The following CDH12 variants were observed in gnomAD, a reference collection of about 807,000 sequenced individuals.
CDH12 encodes the protein cadherin 12, also known as cadherin-12.
CDH12 carries 41 observed loss-of-function variants against 74.1 expected under a neutral mutation model. The observed-to-expected ratio is 0.55, with a 90% CI of 0.43 to 0.72. The LOEUF (loss-of-function observed/expected upper bound fraction) is 0.72, where lower values mean the gene tolerates loss of function less well. CDH12 is among the 30% of genes least tolerant of loss of function. The probability of loss-of-function intolerance (pLI) is 0.00; values close to 1 mark genes in which losing one functional copy is unlikely to be tolerated. For synonymous variants in CDH12, 399 were observed against 355.0 expected (o/e 1.12, Z -1.39); for missense variants, 945 against 977.2 (o/e 0.97, Z 0.44).
At chr5:22,852,013 T>G (rs2126543767) in intron 1 of CDH12, among the ~76,000 whole-genome samples, 1 of 152,270 alleles carries the variant, frequency 6.6e-6, no homozygotes. Context: ...TTTTTCCTGT[T>G]TTGGTCATGT....
chr5:22,433,989 G>A (rs574432538), intron 2 of CDH12, among the ~76,000 whole-genome samples: 1 of 152,230 alleles, frequency 6.6e-6, no homozygotes, highest in Admixed American at 6.6e-5. Context: ...TAAGTTTTCT[G>A]AGTCGTTCTG....
At chr5:22,444,154 C>T (rs1189146509) in intron 2 of CDH12, among the ~76,000 whole-genome samples, 1 of 151,854 alleles carries the variant, frequency 6.6e-6, no homozygotes, top group Non-Finnish European at 1.5e-5. Context: ...TAAATAAATC[C>T]ATTTCATCTT....
At chr5:21,873,426 T>C (rs1751753252) in intron 6 of CDH12, among the ~76,000 whole-genome samples, 1 of 152,130 alleles carries the variant, frequency 6.6e-6, no homozygotes, top group African/African-American at 2.4e-5. Context: ...CGGACACTGA[T>C]GTGCAGATGC....
At position 22,304,425 on chromosome 5, in the gene CDH12, C is replaced by A. The variant is rs1474747932; in HGVS notation, c.-332-91782G>T. Among the ~76,000 whole-genome samples, 6 of 152,288 alleles carry A rather than the reference C, an allele frequency of 3.9e-5. No homozygotes were observed. In the East Asian group the frequency reaches 9.7e-4, roughly 25 times the overall value. On this transcript the variant is annotated intron_variant, in intron 3 of 14. Transcript: ENST00000382254. ...TGCCTTTCTTGCTATGCACTCTCAACTCCAACTTCAAAGTCATACATGTAT... is the reference window on the plus strand; with the variant it reads ...TGCCTTTCTTGCTATGCACTCTCAAATCCAACTTCAAAGTCATACATGTAT...
At chr5:22,262,475 A>G (rs1453690067) in intron 3 of CDH12, among the ~76,000 whole-genome samples, 3 of 151,692 alleles carry the variant, frequency 2.0e-5, no homozygotes, top group Non-Finnish European at 2.9e-5. Context: ...ATAGTATTCC[A>G]TGGTGTATAT....
At chr5:22,331,016 G>C (rs1018499508) in intron 3 of CDH12, among the ~76,000 whole-genome samples, 1 of 152,086 alleles carries the variant, frequency 6.6e-6, no homozygotes, top group East Asian at 1.9e-4. Context: ...TAGCCTAGCA[G>C]AACTCCCCAT....
At chr5:22,490,840 G>A (rs1048296377) in intron 2 of CDH12, among the ~76,000 whole-genome samples, 5 of 152,200 alleles carry the variant, frequency 3.3e-5, no homozygotes, top group African/African-American at 9.7e-5. Flanking sequence ...GGTTTTGAGA[G>A]ATGCAGTCAA....
At position 21,830,199 on chromosome 5, in the gene CDH12, C is replaced by CAAA. The variant is rs1055199877; in HGVS notation, c.814+11959_814+11961dup. On this transcript the variant is annotated intron_variant, in intron 8 of 14. Transcript: ENST00000382254. The stretch of plus-strand genomic sequence containing the variant: ...GGGTGACAACAGTGAAACTCCTTCT[C>CAAA]AAAAAAAAAAAAAAAAAAAAAAAAA... 1.0e-2 allele frequency among the ~76,000 whole-genome samples: 251 copies of CAAA among 25,188 alleles called. 8 individuals carry two copies. The highest frequency in any genetic ancestry group is 0.038 in the Middle Eastern group (1 of 26). The allele number at this position is 25,188 out of a possible 152,430, so 16.5% of individuals were successfully genotyped here. A position where few individuals can be genotyped will look rare whatever the true frequency, so the allele number is the denominator to read the frequency against.
At chr5:22,178,932 GAC>G (rs577282185) in intron 4 of CDH12, among the ~76,000 whole-genome samples, 1 of 152,254 alleles carries the variant, frequency 6.6e-6, no homozygotes, top group Non-Finnish European at 1.5e-5. Context: ...ACTCTGAAAA[GAC>G]AGACTTGCAC....
chr5:22,729,574 C>T (rs1174682400), intron 1 of CDH12, among the ~76,000 whole-genome samples: 1 of 151,848 alleles, frequency 6.6e-6, no homozygotes, highest in Non-Finnish European at 1.5e-5. Context: ...GACTGTACTT[C>T]TACCACATTC....
At chr5:21,754,682 G>T (rs1364487139) in intron 14 of CDH12, among the ~76,000 whole-genome samples, 1 of 151,808 alleles carries the variant, frequency 6.6e-6, no homozygotes, top group African/African-American at 2.4e-5. Context: ...TTCTTTCCTA[G>T]AGATAAAGTC....
At chr5:21,770,801 G>C (rs931323354) in intron 11 of CDH12, among the ~76,000 whole-genome samples, 2 of 152,040 alleles carry the variant, frequency 1.3e-5, no homozygotes, top group Non-Finnish European at 2.9e-5. Flanking sequence ...CAAAGACACA[G>C]AATAAACCCA....
chr5:22,441,866 G>C (rs558815285), intron 2 of CDH12, among the ~76,000 whole-genome samples: 1 of 152,000 alleles, frequency 6.6e-6, no homozygotes, highest in East Asian at 1.9e-4. Context: ...ACCATGCCTG[G>C]CTATTTTTTG....
intron 5 of CDH12, among the ~76,000 whole-genome samples, chr5:22,013,866 A>T (rs1737440769): frequency 6.6e-6 from 1 of 152,104 alleles, no homozygotes; most frequent in Non-Finnish European, 1.5e-5. Context: ...TGGCTTCTAG[A>T]AAAAAATAAT....
At chr5:22,626,237 C>G (rs1738288476) in intron 1 of CDH12, among the ~76,000 whole-genome samples, 1 of 152,220 alleles carries the variant, frequency 6.6e-6, no homozygotes, top group African/African-American at 2.4e-5. Context: ...CTGCCCCCAG[C>G]TGACAGAGCG....
intron 1 of CDH12, among the ~76,000 whole-genome samples, chr5:22,759,676 T>C (rs1746107278): frequency 6.6e-6 from 1 of 152,220 alleles, no homozygotes; most frequent in African/African-American, 2.4e-5. Flanking sequence ...ATCGGTCTAT[T>C]TTTTCTCCCT....
intron 4 of CDH12, among the ~76,000 whole-genome samples, chr5:22,099,737 A>G (rs1033221389): frequency 2.6e-5 from 4 of 152,322 alleles, no homozygotes; most frequent in Non-Finnish European, 5.9e-5. Context: ...CTCTTGAAGT[A>G]AATAAATAAT....
intron 2 of CDH12, among the ~76,000 whole-genome samples, chr5:22,501,432 A>C (rs923111676): frequency 4.6e-5 from 7 of 152,174 alleles, no homozygotes; most frequent in African/African-American, 1.7e-4. Flanking sequence ...AGTAATTGGA[A>C]TAACTCTTTC....
intron 1 of CDH12, among the ~76,000 whole-genome samples, chr5:22,826,108 G>A (rs1418311071): frequency 1.3e-5 from 2 of 152,130 alleles, no homozygotes; most frequent in Non-Finnish European, 2.9e-5. Context: ...TCTTGTAGCT[G>A]CCATAATTCT....
Sources: allele counts gnomAD v4.1 joint callset (sites outside exome capture counted in the v4.1 genomes callset), GRCh38; gene constraint gnomAD v4.1.1; transcripts MANE v1.5; gene names NCBI Gene and HGNC (gene_info 2026-07-23, HGNC 2026-07-21).